MRTFB: variants seen among roughly 807,000 people sequenced by gnomAD.
MRTFB encodes the protein myocardin-related transcription factor B.
A neutral mutation model predicts 104.2 loss-of-function variants in MRTFB; 29 were observed. The ratio of observed to expected loss-of-function variants is 0.28; its 90% CI spans 0.21 to 0.38. The LOEUF (loss-of-function observed/expected upper bound fraction) is 0.38. Among genes scored for constraint, MRTFB ranks in the 10% least tolerant of loss-of-function variants. The pLI, the probability that MRTFB is intolerant of heterozygous loss-of-function variation, is 1.00. For missense variants in MRTFB, 1,270 were observed against 1,341.6 expected (o/e 0.95, Z 0.83); for synonymous variants, 535 against 519.5 (o/e 1.03, Z -0.41).
the MRTFB span, among the ~76,000 whole-genome samples, chr16:14,000,123 G>T: frequency 6.6e-6 from 1 of 152,080 alleles, no homozygotes; most frequent in Non-Finnish European, 1.5e-5. Flanking sequence ...AGAGAGAGGC[G>T]GCTCTAAGCC....
At chr16:14,091,982 G>A (rs909113546) in intron 2 of MRTFB, among the ~76,000 whole-genome samples, 2 of 120,612 alleles carry the variant, frequency 1.7e-5, no homozygotes, top group Non-Finnish European at 3.3e-5. Flanking sequence ...GCAACAGAGC[G>A]AGACTTCATC....
chr16:14,061,131 G>A, the MRTFB span, among the ~76,000 whole-genome samples: 8 of 151,746 alleles, frequency 5.3e-5, no homozygotes, highest in Admixed American at 1.3e-4. Flanking sequence ...GGGCGACAGC[G>A]CAAGACTCCG....
At chr16:14,193,427 C>T (rs1597209929) in intron 3 of MRTFB, among the ~76,000 whole-genome samples, 1 of 152,048 alleles carries the variant, frequency 6.6e-6, no homozygotes, top group South Asian at 2.1e-4. Context: ...CTCCCCAGCC[C>T]CTGGCCTGAG....
chr16:14,216,977 C>A, intron 6 of MRTFB, 149 bp from the exon 7 acceptor site: 1 of 780,490 alleles, frequency 1.3e-6, no homozygotes, highest in Non-Finnish European at 1.9e-6. Context: ...CTGGAGAATT[C>A]TTAAACAGTC....
intron 8 of MRTFB, among the ~76,000 whole-genome samples, chr16:14,230,080 T>G (rs1045625614): frequency 1.3e-5 from 2 of 152,182 alleles, no homozygotes; most frequent in Non-Finnish European, 2.9e-5. Context: ...GCTAGCCATA[T>G]GTAGAAAGCT....
intron 2 of MRTFB, among the ~76,000 whole-genome samples, chr16:14,121,417 A>G (rs2036839067): frequency 6.6e-6 from 1 of 152,068 alleles, no homozygotes; most frequent in African/African-American, 2.4e-5. Context: ...TTTCTGTTTT[A>G]AAGAACAAGA....
At chr16:14,051,614 C>T in the MRTFB span, among the ~76,000 whole-genome samples, 1 of 151,948 alleles carries the variant, frequency 6.6e-6, no homozygotes, top group Non-Finnish European at 1.5e-5. Flanking sequence ...AACACACATT[C>T]ACACACATAG....
chr16:14,236,362 G>A (rs888953602), intron 9 of MRTFB, among the ~76,000 whole-genome samples: 1 of 152,192 alleles, frequency 6.6e-6, no homozygotes, highest in African/African-American at 2.4e-5. Context: ...GCACATTCAC[G>A]ATTCATTTGT....
Position 14,247,118 on chromosome 16 carries a change from G to T in MRTFB, c.1858G>T (p.Ala620Ser), listed in dbSNP as rs757921870. Residue 620 changes from alanine (A) to serine (S), a missense_variant, in exon 12 of 17, where the codon GCC (alanine) becomes TCC (serine). Physicochemically the swap from Ala to Ser is moderately conservative, Grantham distance 99 (BLOSUM62 1). Transcript: ENST00000571589. Reference sequence around the variant, plus strand: ...GCGGCCCCTGGAAGCCCAGCCCAGTGCCCCAGGTCATTCTGTCAAGTCAGA... The same window carrying T: ...GCGGCCCCTGGAAGCCCAGCCCAGTTCCCCAGGTCATTCTGTCAAGTCAGA... ...QQRPLEAQPS[A>S]PGHSVKSDQK... 1 of 1,614,144 alleles carries T rather than the reference G, an allele frequency of 6.2e-7. No homozygotes were observed. Among genetic ancestry groups the T allele is most frequent in the Non-Finnish European group, 8.5e-7 (1 of 1,180,038 alleles).
At chr16:14,221,838 A>G (rs975786417) in intron 8 of MRTFB, among the ~76,000 whole-genome samples, 3 of 136,684 alleles carry the variant, frequency 2.2e-5, no homozygotes, top group Non-Finnish European at 4.6e-5. Context: ...CTGGAGTGCA[A>G]TGGTGTGATC....
intron 2 of MRTFB, among the ~76,000 whole-genome samples, chr16:14,109,248 AAGTTCAAGGGCTT>A (rs2036150552): frequency 6.6e-6 from 1 of 152,146 alleles, no homozygotes; most frequent in Non-Finnish European, 1.5e-5. Context: ...TCCTCACTCT[AAGTTCAAGGGCTT>A]AGTTTACACG....
chr16:14,120,995 C>T (rs1043982591), intron 2 of MRTFB, among the ~76,000 whole-genome samples: 4 of 152,142 alleles, frequency 2.6e-5, no homozygotes, highest in Non-Finnish European at 4.4e-5. Flanking sequence ...TCCACATAAA[C>T]TCATATATAT....
intron 3 of MRTFB, among the ~76,000 whole-genome samples, chr16:14,155,847 T>G (rs2038807232): frequency 6.6e-6 from 1 of 152,220 alleles, no homozygotes; most frequent in Non-Finnish European, 1.5e-5. Flanking sequence ...TCTGTGTACA[T>G]ACAGCTTAGC....
chr16:14,009,122 A>G, the MRTFB span, among the ~76,000 whole-genome samples: 2 of 151,708 alleles, frequency 1.3e-5, no homozygotes, highest in Non-Finnish European at 2.9e-5. Context: ...TAATTTTTTA[A>G]AATTTTTGGT....
intron 9 of MRTFB, among the ~76,000 whole-genome samples, chr16:14,239,739 TTCAG>T (rs1324316685): frequency 3.3e-5 from 5 of 152,238 alleles, no homozygotes; most frequent in Admixed American, 6.5e-5. Context: ...GTTCATATCA[TTCAG>T]TATTTGTTTT....
chr16:14,227,163 G>C (rs2042040818), intron 8 of MRTFB, among the ~76,000 whole-genome samples: 1 of 152,084 alleles, frequency 6.6e-6, no homozygotes, highest in Non-Finnish European at 1.5e-5. Flanking sequence ...GTTAGAGGTA[G>C]GGCCTAATGG....
intron 2 of MRTFB, among the ~76,000 whole-genome samples, chr16:14,125,583 G>A (rs2037068363): frequency 6.6e-6 from 1 of 152,194 alleles, no homozygotes. Context: ...GTTTTTTACA[G>A]TGTCTCCCAG....
chr16:14,205,853 C>T (rs1433379160), intron 3 of MRTFB, among the ~76,000 whole-genome samples: 3 of 152,192 alleles, frequency 2.0e-5, no homozygotes, highest in Admixed American at 1.3e-4. Flanking sequence ...TATGGTTCAT[C>T]TACTCAGCAA....
chr16:14,017,687 G>GTGTGTATATATATATA, the MRTFB span, among the ~76,000 whole-genome samples: 1 of 6,808 alleles, frequency 1.5e-4, no homozygotes. Context: ...GTGTGTGTGT[G>GTGTGTATATATATATA]TATATATATA....
Sources: gnomAD v4.1 joint callset for allele counts (sites outside exome capture counted in the v4.1 genomes callset) on GRCh38, gnomAD v4.1.1 for gene constraint, MANE v1.5 for transcripts, NCBI Gene and HGNC (gene_info 2026-07-23, HGNC 2026-07-21) for gene names.